Variants in ZNF334 observed in about 807,000 individuals in gnomAD.
ZNF334 encodes zinc finger protein 334.
In ZNF334, 14 loss-of-function variants were observed where a neutral mutation model predicts 12.4. The observed-to-expected ratio is 1.13, with a 90% CI of 0.74 to 1.76. The LOEUF (loss-of-function observed/expected upper bound fraction) is 1.76, where lower values mean the gene tolerates loss of function less well. Among genes scored for constraint, ZNF334 ranks in the 40% most tolerant of loss-of-function variants. ZNF334 has a pLI of 0.00. For missense variants in ZNF334, 797 were observed against 804.5 expected (o/e 0.99, Z 0.11); for synonymous variants, 273 against 269.6 (o/e 1.01, Z -0.12).
the ZNF334 span, chr20:46,492,870 T>C: frequency 3.9e-5 from 6 of 152,034 alleles, no homozygotes; most frequent in African/African-American, 1.5e-4. Flanking sequence ...GTTCATGAGG[T>C]CAAGAGTTCC....
chr20:46,483,681 GTTTCTGGGCTCTC>G, the ZNF334 span, among the ~76,000 whole-genome samples: 3 of 152,076 alleles, frequency 2.0e-5, no homozygotes, highest in Non-Finnish European at 4.4e-5. Context: ...ATTTGCATCT[GTTTCTGGGCTCTC>G]TTTCTTTGAT....
At chr20:46,503,453 T>TG (rs2061322619) in intron 4 of ZNF334, among the ~76,000 whole-genome samples, 1 of 152,174 alleles carries the variant, frequency 6.6e-6, no homozygotes, top group African/African-American at 2.4e-5. Context: ...GTGTGGCTGA[T>TG]GGAGTGTTGA....
At chr20:46,488,419 T>TTA in the ZNF334 span, among the ~76,000 whole-genome samples, 5,949 of 102,248 alleles carry the variant, frequency 0.058, 485 homozygotes, top group East Asian at 0.11. Context: ...AGCTCTTATT[T>TTA]TATATATATA....
rs2061196225 is a variant in ZNF334, at chr20:46,501,944, T to G, written c.1395A>C (p.Glu465Asp). Residue 465 changes from glutamate (E) to aspartate (D), a missense_variant, in exon 5 of 5, where the codon GAA becomes GAC. Glu to Asp is a conservative substitution (Grantham distance 45). Coordinates refer to ENST00000692313, the MANE Select transcript of ZNF334 (RefSeq NM_001353824.2). Reference protein sequence around the residue: ...HRGKKSYECNECGKFFCHKST... With the variant: ...HRGKKSYECNDCGKFFCHKST... The stretch of plus-strand genomic sequence containing the variant: ...ACTTATGGCAGAAAAATTTCCCACA[T>G]TCATTACATTCATAAGACTTCTTTC... The G allele has an allele frequency of 8.7e-6, 14 of 1,613,962 alleles. No homozygotes were observed. Among genetic ancestry groups the G allele is most frequent in the Non-Finnish European group, 1.1e-5 (13 of 1,180,028 alleles).
chr20:46,469,603 A>C, the ZNF334 span, among the ~76,000 whole-genome samples: 1 of 151,662 alleles, frequency 6.6e-6, no homozygotes, highest in South Asian at 2.1e-4. Context: ...CGATCTCCTG[A>C]CCTCGTGATC....
Position 46,501,571 on chromosome 20 carries a change from G to A in ZNF334, c.1768C>T (p.His590Tyr). Reference protein sequence around the residue: ...TFCQKFSFVEHQRTHTGEKPY... With the variant: ...TFCQKFSFVEYQRTHTGEKPY... ...TTCTCCCCAGTGTGAGTTCGCTGAT[G>A]TTCAACAAAGGAGAACTTCTGACAG... The change falls in exon 5 of 5, where the codon CAT (histidine) becomes TAT (tyrosine). Residue 590 changes from histidine (H) to tyrosine (Y), a missense_variant. By Grantham distance (83) the His-to-Tyr change is moderately conservative (BLOSUM62 2). Coordinates refer to ENST00000692313, the MANE Select transcript of ZNF334 (RefSeq NM_001353824.2). 1 of 1,614,094 alleles carries A rather than the reference G, an allele frequency of 6.2e-7. No individual in the cohort carries two copies. The highest frequency in any genetic ancestry group is 2.2e-5 in the East Asian group (1 of 44,872).
At chr20:46,463,566 C>T in the ZNF334 span, among the ~76,000 whole-genome samples, 1 of 152,210 alleles carries the variant, frequency 6.6e-6, no homozygotes, top group Non-Finnish European at 1.5e-5. Flanking sequence ...AACCCAGGGT[C>T]CTCAAAATGA....
At chr20:46,487,836 T>C in the ZNF334 span, among the ~76,000 whole-genome samples, 1 of 152,226 alleles carries the variant, frequency 6.6e-6, no homozygotes, top group African/African-American at 2.4e-5. Flanking sequence ...TTTTACTTTC[T>C]CATATAAGCT....
the ZNF334 span, chr20:46,465,113 G>T: frequency 4.0e-6 from 1 of 250,976 alleles, no homozygotes; most frequent in Non-Finnish European, 7.9e-6. Context: ...AATACCAGCA[G>T]GTGACCTGTT....
chr20:46,488,851 T>C, the ZNF334 span, among the ~76,000 whole-genome samples: 3 of 152,004 alleles, frequency 2.0e-5, no homozygotes, highest in Non-Finnish European at 4.4e-5. Flanking sequence ...CCATTATCTT[T>C]TATGCTTGCA....
At chr20:46,481,821 T>C in the ZNF334 span, among the ~76,000 whole-genome samples, 1 of 152,210 alleles carries the variant, frequency 6.6e-6, no homozygotes, top group Non-Finnish European at 1.5e-5. Flanking sequence ...GAAGGCCAGA[T>C]ACACATTGTG....
chr20:46,481,603 A>G, the ZNF334 span, among the ~76,000 whole-genome samples: 1 of 152,178 alleles, frequency 6.6e-6, no homozygotes, highest in Non-Finnish European at 1.5e-5. Context: ...CGCAGGGAGC[A>G]ATGGCTTAAC....
At chr20:46,488,331 G>A in the ZNF334 span, among the ~76,000 whole-genome samples, 1 of 146,848 alleles carries the variant, frequency 6.8e-6, no homozygotes, top group Non-Finnish European at 1.5e-5. Flanking sequence ...TGAGTTTATG[G>A]TATCTGTCTT....
chr20:46,495,532 T>C (rs1389191272), downstream of ZNF334, among the ~76,000 whole-genome samples: 1 of 152,110 alleles, frequency 6.6e-6, no homozygotes, highest in Non-Finnish European at 1.5e-5. Context: ...ATATAAACAA[T>C]ACTAGCCAGT....
In ZNF334 at chr20:46,513,114, A is replaced by G. The variant is rs1455107409; in HGVS notation, c.-613T>C. The G allele has an allele frequency of 6.6e-6, 1 of 152,288 alleles. No individual in the cohort carries two copies. Among genetic ancestry groups the G allele is most frequent in the Non-Finnish European group, 1.5e-5 (1 of 68,078 alleles). 9.4% of individuals were successfully genotyped at this position (152,288 alleles called of 1,614,324 possible). A position where few individuals can be genotyped will look rare whatever the true frequency, so the allele number is the denominator to read the frequency against. Reference sequence around the variant, plus strand: ...CATTCCAGCTCACATCCTTCTTCCGAAAGTTGAACTGAACTTTGCTGAGCT... The same window carrying G: ...CATTCCAGCTCACATCCTTCTTCCGGAAGTTGAACTGAACTTTGCTGAGCT... On this transcript the variant is annotated 5_prime_UTR_variant, in exon 1 of 5. Coordinates refer to ENST00000692313, the MANE Select transcript of ZNF334 (RefSeq NM_001353824.2).
Position 46,504,714 on chromosome 20 carries a change from A to C in ZNF334, c.48T>G (p.Thr16=), listed in dbSNP as rs774408709. The part of the protein sequence containing the change: ...FQIPVSFQDL[T]VNFTQEEWQQ... Reference sequence around the variant, plus strand: ...GCCATTCCTCTTGGGTGAAGTTCACAGTCAGGTCCTGGAATGAAACTGGTA... The same window carrying C: ...GCCATTCCTCTTGGGTGAAGTTCACCGTCAGGTCCTGGAATGAAACTGGTA... Residue 16 remains threonine, a synonymous_variant, in exon 3 of 5, where the codon ACT becomes ACG. Coordinates refer to ENST00000692313, the MANE Select transcript of ZNF334 (RefSeq NM_001353824.2). The C allele has an allele frequency of 3.1e-5, 50 of 1,612,176 alleles. No homozygotes were observed. The highest frequency in any genetic ancestry group is 4.1e-5 in the Non-Finnish European group (48 of 1,179,266).
At chr20:46,486,850 G>C in the ZNF334 span, among the ~76,000 whole-genome samples, 1 of 152,136 alleles carries the variant, frequency 6.6e-6, no homozygotes, top group Non-Finnish European at 1.5e-5. Flanking sequence ...TGGTAGTTTT[G>C]TCTCCTTGTT....
the ZNF334 span, among the ~76,000 whole-genome samples, chr20:46,482,469 A>G: frequency 1.3e-5 from 2 of 152,194 alleles, no homozygotes; most frequent in Admixed American, 6.5e-5. Flanking sequence ...TTCATCCCTC[A>G]ATCAGGCAGA....
the ZNF334 span, among the ~76,000 whole-genome samples, chr20:46,471,700 T>A: frequency 6.6e-6 from 1 of 152,204 alleles, no homozygotes; most frequent in Non-Finnish European, 1.5e-5. Flanking sequence ...ATTGAAAAGA[T>A]CATTCCTTCC....
Sources: allele counts gnomAD v4.1 joint callset (sites outside exome capture counted in the v4.1 genomes callset), GRCh38; gene constraint gnomAD v4.1.1; transcripts MANE v1.5; gene names NCBI Gene and HGNC (gene_info 2026-07-23, HGNC 2026-07-21).